Variants in GPR153 observed in about 807,000 individuals in gnomAD.
GPR153 encodes probable G protein-coupled receptor 153.
Under a neutral mutation model 34.1 loss-of-function variants are expected in GPR153, and 27 were observed. The observed-to-expected ratio is 0.79, with a 90% CI of 0.58 to 1.09. GPR153 has a LOEUF of 1.09. Among genes scored for constraint, GPR153 ranks in the 50% least tolerant of loss-of-function variants. The pLI is 0.00. For synonymous variants in GPR153, 408 were observed against 405.4 expected (o/e 1.01, Z -0.08); for missense variants, 848 against 860.2 (o/e 0.99, Z 0.18).
At chr1:6,250,798 G>A (rs1411369196) in intron 4 of GPR153, among the ~76,000 whole-genome samples, 174 bp from the exon 5 acceptor site, 7 of 152,196 alleles carry the variant, frequency 4.6e-5, no homozygotes, top group Non-Finnish European at 1.0e-4. Flanking sequence ...TCCCAAATAT[G>A]CCACCCTTTA....
Position 6,251,530 on chromosome 1 carries a change from C to A in GPR153, c.787G>T (p.Val263Leu), listed in dbSNP as rs376706897. Residue 263 changes from valine to leucine, a missense_variant and splice_region_variant, in exon 4 of 6, where the codon GTG becomes TTG. By Grantham distance (32) the Val-to-Leu change is conservative. Coordinates refer to ENST00000377893, the MANE Select transcript of GPR153 (RefSeq NM_207370.4). This position sits in a 1 kb window ranked among gnomAD's most constrained non-coding sequence, Gnocchi z 4.9. The part of the protein sequence containing the change: ...YDCLMGFPVL[V>L]VSFSSLRADA... ...GCCCGCAGGCTGCTGAAGCTCACCA[C>A]CTGTGGGCACAGGGCTCGGCCTGGC... 1.3e-6 allele frequency: 2 copies of A among 1,591,484 alleles called. No individual in the cohort carries two copies. The highest frequency in any genetic ancestry group is 1.1e-5 in the South Asian group (1 of 88,808).
intron 5 of GPR153, 184 bp downstream of exon 5, chr1:6,250,256 T>TG: frequency 1.0e-6 from 1 of 985,246 alleles, no homozygotes; most frequent in Non-Finnish European, 1.2e-6. Flanking sequence ...ACAGGGACCA[T>TG]GGGGGTGGCG....
intron 1 of GPR153, among the ~76,000 whole-genome samples, chr1:6,260,237 G>T (rs1391784447): frequency 6.6e-6 from 1 of 151,716 alleles, no homozygotes; most frequent in East Asian, 1.9e-4. Flanking sequence ...GCCGGTCTCC[G>T]CCCGCGCTGC....
At chr1:6,260,463 G>A (rs1225677288) in intron 1 of GPR153, among the ~76,000 whole-genome samples, 1 of 115,814 alleles carries the variant, frequency 8.6e-6, no homozygotes, top group Non-Finnish European at 1.7e-5. Context: ...GCCCCACCCC[G>A]AGGGCGCGTC....
Position 6,249,965 on chromosome 1 carries a change from G to T in GPR153, c.1203C>A (p.Asp401Glu). 7.8e-7 allele frequency: 1 copy of T among 1,279,708 alleles called. No individual in the cohort carries two copies. Among genetic ancestry groups the T allele is most frequent in the Non-Finnish European group, 9.9e-7 (1 of 1,007,770 alleles). 79.3% of individuals were successfully genotyped at this position (1,279,708 alleles called of 1,614,324 possible). Residue 401 changes from aspartate (D) to glutamate (E), a missense_variant, in exon 6 of 6, where the codon GAC (aspartate) becomes GAA (glutamate). Transcript: ENST00000377893. This position sits in a 1 kb window ranked among gnomAD's most constrained non-coding sequence, Gnocchi z 4.3. ...PTRRFSHDDA[D>E]VWAAVPLPAF... ...CGGGCAGCGGGACGGCGGCCCACAC[G>T]TCCGCATCGTCGTGGGAGAAGCGCC...
chr1:6,258,339 G>A (rs1199993490), intron 1 of GPR153, among the ~76,000 whole-genome samples: 2 of 152,180 alleles, frequency 1.3e-5, no homozygotes, highest in Non-Finnish European at 2.9e-5. Flanking sequence ...ATGTTGGCCA[G>A]GCTGGTCTCG....
rs1638394225 is a variant in GPR153, at chr1:6,249,721, G to A, written c.1447C>T (p.Pro483Ser). The change falls in exon 6 of 6, where the codon CCG becomes TCG. Residue 483 changes from proline to serine, a missense_variant. Pro to Ser is a moderately conservative substitution (Grantham distance 74). Coordinates refer to ENST00000377893, the MANE Select transcript of GPR153 (RefSeq NM_207370.4). This position sits in a 1 kb window ranked among gnomAD's most constrained non-coding sequence, Gnocchi z 4.3. ...GGGCCGGGCCCGGGGCGGCGGCGCG[G>A]GCTGCCGGGGGGCGAGTCGCGGGCT... is the stretch of plus-strand genomic sequence containing the variant. Reference protein sequence around the residue: ...RGARDSPPGSPRRRPGPGPRS... With the variant: ...RGARDSPPGSSRRRPGPGPRS... 2 of 1,040,702 alleles carry A rather than the reference G, an allele frequency of 1.9e-6. No homozygotes were observed. The allele number at this position is 1,040,702 out of a possible 1,614,324, so 64.5% of individuals were successfully genotyped here. A position where few individuals can be genotyped will look rare whatever the true frequency, so the allele number is the denominator to read the frequency against.
In GPR153 at chr1:6,249,709, G is replaced by A; in HGVS notation, c.1459C>T (p.Pro487Ser). ...DSPPGSPRRRPGPGPRSASAS... is the reference protein window; with the variant it reads ...DSPPGSPRRRSGPGPRSASAS... ...GAGGCGGAGCGGGGGCCGGGCCCGG[G>A]GCGGCGGCGCGGGCTGCCGGGGGGC... Residue 487 changes from proline (P) to serine (S), a missense_variant, in exon 6 of 6, where the codon CCC becomes TCC. Transcript: ENST00000377893. This position sits in a 1 kb window ranked among gnomAD's most constrained non-coding sequence, Gnocchi z 4.3. The A allele has an allele frequency of 9.7e-7, 1 of 1,034,268 alleles. No individual in the cohort carries two copies. Among genetic ancestry groups the A allele is most frequent in the South Asian group, 4.4e-5 (1 of 22,646 alleles). The allele number at this position is 1,034,268 out of a possible 1,614,324, so 64.1% of individuals were successfully genotyped here.
intron 3 of GPR153, among the ~76,000 whole-genome samples, chr1:6,252,760 C>T (rs1638476011): frequency 6.6e-6 from 1 of 152,266 alleles, no homozygotes; most frequent in African/African-American, 2.4e-5. Context: ...CGGGGATGGG[C>T]GTAGAGTCCT....
Position 6,250,596 on chromosome 1 carries a change from C to T in GPR153, c.1008G>A (p.Pro336=), listed in dbSNP as rs143877668. 3.9e-6 allele frequency: 6 copies of T among 1,540,222 alleles called. No individual in the cohort carries two copies. Among genetic ancestry groups the T allele is most frequent in the Non-Finnish European group, 5.2e-6 (6 of 1,149,316 alleles). The change falls in exon 5 of 6, where the codon CCG becomes CCA. Residue 336 remains proline (P), a synonymous_variant. Transcript: ENST00000377893. ...CCAGGGAGCGCTCCAACACCAGGTC[C>T]GGGGAGATGCCACCTTCCAGGCTGG... The part of the protein sequence containing the change: ...DETSLEGGIS[P]DLVLERSLDY...
rs1445779131 is a variant in GPR153 at position 6,247,890 on chromosome 1, GA to G, written c.*1447del. On this transcript the variant is annotated 3_prime_UTR_variant, in exon 6 of 6. Coordinates refer to ENST00000377893, the MANE Select transcript of GPR153 (RefSeq NM_207370.4). The stretch of plus-strand genomic sequence containing the variant: ...ACAGCCAGGGACTGGAGGGGCCTCT[GA>G]AGCACAGACAGGCTTAGGCAGCCTC... The G allele has an allele frequency of 7.2e-5, 11 of 152,402 alleles. No homozygotes were observed. Among genetic ancestry groups the G allele is most frequent in the Non-Finnish European group, 1.5e-4 (10 of 68,158 alleles). The allele number at this position is 152,402 out of a possible 1,614,324, so 9.4% of individuals were successfully genotyped here.
At position 6,260,810 on chromosome 1, in the gene GPR153, G is replaced by A. The variant is rs1486617657; in HGVS notation, c.-110+15C>T. The A allele has an allele frequency of 6.6e-6, 1 of 150,762 alleles. No individual in the cohort carries two copies. Among genetic ancestry groups the A allele is most frequent in the Non-Finnish European group, 1.5e-5 (1 of 67,552 alleles). 9.3% of individuals were successfully genotyped at this position (150,762 alleles called of 1,614,324 possible). ...TCCCGTCCGTCCGCCCTCGGGCCAG[G>A]GCGGCGACGCTCACCCTGCATTCGA... On this transcript the variant is annotated intron_variant, in intron 1 of 5. Coordinates refer to ENST00000377893, the MANE Select transcript of GPR153 (RefSeq NM_207370.4).
intron 1 of GPR153, among the ~76,000 whole-genome samples, chr1:6,259,842 A>G (rs1638633119): frequency 6.6e-6 from 1 of 152,148 alleles, no homozygotes; most frequent in Admixed American, 6.5e-5. Context: ...TGGAGCGGCC[A>G]CTAGGGCCAG....
intron 3 of GPR153, among the ~76,000 whole-genome samples, chr1:6,252,226 G>A (rs141926763): frequency 4.5e-4 from 68 of 152,344 alleles, no homozygotes; most frequent in Middle Eastern, 6.8e-3. Flanking sequence ...TCAGAAAGCT[G>A]CTAAACCCCT....
chr1:6,250,938 C>T (rs188542065), intron 4 of GPR153, among the ~76,000 whole-genome samples: 8 of 152,140 alleles, frequency 5.3e-5, no homozygotes, highest in Non-Finnish European at 8.8e-5. Context: ...GGACAGAGCA[C>T]GGGCTGGGCT....
intron 1 of GPR153, among the ~76,000 whole-genome samples, chr1:6,255,641 C>CTTT (rs1638550346): frequency 1.4e-4 from 5 of 35,172 alleles, no homozygotes; most frequent in Non-Finnish European, 1.6e-4. Flanking sequence ...TGCCTGGCTA[C>CTTT]GTTTTTTTTT....
rs1434187057 is a variant in GPR153, at chr1:6,254,454, G to A, written c.356+96C>T. 6 of 1,129,102 alleles carry A rather than the reference G, an allele frequency of 5.3e-6. 1 individual carries two copies. The South Asian group carries it at 7.5e-5, about 14-fold the overall frequency. 69.9% of individuals were successfully genotyped at this position (1,129,102 alleles called of 1,614,324 possible). On this transcript the variant is annotated intron_variant, in intron 2 of 5. Coordinates refer to ENST00000377893, the MANE Select transcript of GPR153 (RefSeq NM_207370.4). Reference sequence around the variant, plus strand: ...TGCCTGCCCTCCCAGCATGCCACAGGTGTGGCCACTCCTGTGTGCGCATGG... The same window carrying A: ...TGCCTGCCCTCCCAGCATGCCACAGATGTGGCCACTCCTGTGTGCGCATGG...
chr1:6,249,534 T>C lies in GPR153; in HGVS notation c.1634A>G (p.Gln545Arg). 8.3e-7 allele frequency: 1 copy of C among 1,204,482 alleles called. No homozygotes were observed. Among genetic ancestry groups the C allele is most frequent in the Non-Finnish European group, 1.0e-6 (1 of 971,308 alleles). 74.6% of individuals were successfully genotyped at this position (1,204,482 alleles called of 1,614,324 possible). The change falls in exon 6 of 6, where the codon CAG (glutamine) becomes CGG (arginine). Residue 545 changes from glutamine to arginine, a missense_variant. Transcript: ENST00000377893. This position sits in a 1 kb window ranked among gnomAD's most constrained non-coding sequence, Gnocchi z 4.3. Reference sequence around the variant, plus strand: ...AGAGGGGCGTGGCCCTGGGCTCCGCTGGGCGCTGCTTGGGGGCGTCGGGGC... The same window carrying C: ...AGAGGGGCGTGGCCCTGGGCTCCGCCGGGCGCTGCTTGGGGGCGTCGGGGC... Reference protein sequence around the residue: ...GEAPTPPSSAQRSPGPRPSAH... With the variant: ...GEAPTPPSSARRSPGPRPSAH...
Position 6,251,606 on chromosome 1 carries a change from C to A in GPR153, c.787-76G>T. ...CAAGCTCCCCCTGAGTCTCGGTCTC[C>A]CCATGTGTACGGCAGGTCTGACAGG... On this transcript the variant is annotated intron_variant, in intron 3 of 5. Coordinates refer to ENST00000377893, the MANE Select transcript of GPR153 (RefSeq NM_207370.4). The surrounding 1 kb of genome is among the most constrained non-coding windows in gnomAD (Gnocchi z 4.9). The A allele has an allele frequency of 7.0e-7, 1 of 1,426,598 alleles. No homozygotes were observed. The allele number at this position is 1,426,598 out of a possible 1,614,324, so 88.4% of individuals were successfully genotyped here.
Sources: gnomAD v4.1 joint callset for allele counts (sites outside exome capture counted in the v4.1 genomes callset) on GRCh38, gnomAD v4.1.1 for gene constraint, Gnocchi (gnomAD v3.1) non-coding constraint, MANE v1.5 for transcripts, NCBI Gene and HGNC (gene_info 2026-07-23, HGNC 2026-07-21) for gene names.